Variants in PBX1 observed in about 807,000 individuals in gnomAD.
The protein encoded by PBX1 is pre-B-cell leukemia transcription factor 1.
A neutral mutation model predicts 53.4 loss-of-function variants in PBX1; 6 were observed. The observed-to-expected ratio is 0.11, with a 90% CI of 0.06 to 0.22. The LOEUF (loss-of-function observed/expected upper bound fraction) is 0.22, where lower values mean the gene tolerates loss of function less well. Among genes scored for constraint, PBX1 ranks in the 10% least tolerant of loss-of-function variants. The pLI is 1.00. For missense variants in PBX1, 251 were observed against 551.4 expected (o/e 0.46, Z 5.46); for synonymous variants, 204 against 212.3 (o/e 0.96, Z 0.34).
Position 164,848,241 on chromosome 1 carries a change from A to G in PBX1, c.*1565A>G. On this transcript the variant is annotated 3_prime_UTR_variant, in exon 9 of 9. Coordinates refer to ENST00000420696, the MANE Select transcript of PBX1 (RefSeq NM_002585.4). ...TAGCATGTATATGAAAGCTATTCTC[A>G]AAAGTCACCTGAGCTCACCATCTTC... is the stretch of plus-strand genomic sequence containing the variant. 2 of 1,053,816 alleles carry G rather than the reference A, an allele frequency of 1.9e-6. No individual in the cohort carries two copies. The highest frequency in any genetic ancestry group is 2.3e-6 in the Non-Finnish European group (2 of 872,180). 65.3% of individuals were successfully genotyped at this position (1,053,816 alleles called of 1,614,324 possible).
intron 2 of PBX1, among the ~76,000 whole-genome samples, chr1:164,591,607 A>G (rs922478523): frequency 2.6e-5 from 4 of 152,212 alleles, no homozygotes; most frequent in African/African-American, 9.6e-5. Flanking sequence ...AATTAAAAGT[A>G]TGTCTGTCAT....
intron 2 of PBX1, among the ~76,000 whole-genome samples, chr1:164,736,930 CAT>C (rs1020930549): frequency 2.6e-5 from 4 of 152,174 alleles, no homozygotes; most frequent in African/African-American, 7.2e-5. Context: ...AAATAGATAA[CAT>C]GTGAATATGC....
intron 2 of PBX1, among the ~76,000 whole-genome samples, chr1:164,877,627 C>T (rs912314793): frequency 6.6e-6 from 1 of 151,884 alleles, no homozygotes; most frequent in African/African-American, 2.4e-5. Context: ...CGCGCCACTG[C>T]ACTCCAACTT....
chr1:164,705,449 A>G (rs776534114), intron 2 of PBX1, among the ~76,000 whole-genome samples: 17 of 152,198 alleles, frequency 1.1e-4, no homozygotes, highest in South Asian at 4.1e-4. Context: ...ACATAGCTCA[A>G]TCTTTAAAAT....
chr1:164,597,787 T>G (rs1253357941), intron 2 of PBX1, among the ~76,000 whole-genome samples: 1 of 152,188 alleles, frequency 6.6e-6, no homozygotes, highest in African/African-American at 2.4e-5. Flanking sequence ...TCTGGGCCTT[T>G]AAGATGCCTT....
At chr1:164,795,615 A>T (rs1250998675) in intron 3 of PBX1, among the ~76,000 whole-genome samples, 1 of 152,220 alleles carries the variant, frequency 6.6e-6, no homozygotes, top group Non-Finnish European at 1.5e-5. Flanking sequence ...AATACTGCTT[A>T]ATACATTTTG....
At chr1:164,838,947 A>G (rs1671168315) in intron 8 of PBX1, among the ~76,000 whole-genome samples, 1 of 152,176 alleles carries the variant, frequency 6.6e-6, no homozygotes, top group African/African-American at 2.4e-5. Context: ...TTACCATCTC[A>G]TTGAGGATAA....
At chr1:164,641,736 AG>A (rs1332496161) in intron 2 of PBX1, 22 of 152,234 alleles carry the variant, frequency 1.4e-4, no homozygotes, top group Non-Finnish European at 4.4e-5. Context: ...TCTAAGTCAG[AG>A]AATACTGTGA....
intron 2 of PBX1, chr1:164,626,019 C>T (rs1459545966): frequency 9.6e-7 from 1 of 1,042,164 alleles, no homozygotes; most frequent in African/African-American, 1.7e-5. Flanking sequence ...GTACTCTCCT[C>T]TGCTTCTACC....
At position 164,800,751 on chromosome 1, in the gene PBX1, C is replaced by A. The variant is rs1300104936; in HGVS notation, c.701+862C>A. 2.0e-5 allele frequency among the ~76,000 whole-genome samples: 3 copies of A among 152,132 alleles called. 1 individual carries two copies. The highest frequency in any genetic ancestry group is 4.4e-5 in the Non-Finnish European group (3 of 68,028). On this transcript the variant is annotated intron_variant, in intron 4 of 8. Transcript: ENST00000420696. ...TTTGATTATGGGTATGCTTTGTGAT[C>A]TAGAGTTTGTCTTAAATTCATCATC...
At chr1:164,868,871 A>T (rs370322214) in intron 2 of PBX1, among the ~76,000 whole-genome samples, 1 of 152,162 alleles carries the variant, frequency 6.6e-6, no homozygotes, top group Admixed American at 6.5e-5. Flanking sequence ...GACATTTCAC[A>T]TCTAGAGCAG....
intron 2 of PBX1, among the ~76,000 whole-genome samples, chr1:164,663,220 G>GTCTGCCTT: frequency 7.3e-6 from 1 of 136,412 alleles, no homozygotes; most frequent in Non-Finnish European, 1.6e-5. Flanking sequence ...CTGCCTTCCT[G>GTCTGCCTT]CCTTCCTGCC....
intron 2 of PBX1, among the ~76,000 whole-genome samples, chr1:164,756,051 C>T (rs979239840): frequency 4.6e-5 from 7 of 151,552 alleles, no homozygotes; most frequent in African/African-American, 1.7e-4. Context: ...TTCCCCTCTG[C>T]ACAGAGCTAG....
chr1:164,771,736 A>G (rs1667381675), intron 2 of PBX1, among the ~76,000 whole-genome samples: 1 of 152,182 alleles, frequency 6.6e-6, no homozygotes, highest in Non-Finnish European at 1.5e-5. Context: ...AACACAGCTC[A>G]TGTGACACAG....
intron 2 of PBX1, among the ~76,000 whole-genome samples, chr1:164,585,535 T>C (rs1209365117): frequency 6.6e-6 from 1 of 152,140 alleles, no homozygotes; most frequent in Non-Finnish European, 1.5e-5. Context: ...CTCACTGTAG[T>C]CTTTGAGGGG....
intron 2 of PBX1, among the ~76,000 whole-genome samples, chr1:164,728,198 T>C (rs1453895020): frequency 2.0e-5 from 3 of 152,058 alleles, no homozygotes; most frequent in Non-Finnish European, 4.4e-5. Flanking sequence ...GTGCCTGTAG[T>C]TCCAGCTAGT....
At chr1:164,834,403 GCA>G (rs1229374065) in intron 8 of PBX1, among the ~76,000 whole-genome samples, 1 of 150,252 alleles carries the variant, frequency 6.7e-6, no homozygotes, top group Non-Finnish European at 1.5e-5. Flanking sequence ...GAGTGCAGTA[GCA>G]CAGTCTTGGC....
At chr1:164,660,418 A>G (rs1289993381) in intron 2 of PBX1, among the ~76,000 whole-genome samples, 1 of 152,194 alleles carries the variant, frequency 6.6e-6, no homozygotes, top group Admixed American at 6.5e-5. Flanking sequence ...GCTGAGACCC[A>G]AAACACCTGT....
intron 2 of PBX1, among the ~76,000 whole-genome samples, chr1:164,734,770 G>T (rs1332815002): frequency 6.6e-6 from 1 of 152,106 alleles, no homozygotes; most frequent in Non-Finnish European, 1.5e-5. Context: ...CATGCAAGGG[G>T]GGAGGAATAG....
Sources: gnomAD v4.1 joint callset for allele counts (sites outside exome capture counted in the v4.1 genomes callset) on GRCh38, gnomAD v4.1.1 for gene constraint, MANE v1.5 for transcripts, NCBI Gene and HGNC (gene_info 2026-07-23, HGNC 2026-07-21) for gene names.